SLCO1B1: variants seen among roughly 807,000 people sequenced by gnomAD.
SLCO1B1 encodes the protein solute carrier organic anion transporter family member 1B1, also known as OATP-2.
In SLCO1B1, 81 loss-of-function variants were observed where a neutral mutation model predicts 70.1. The observed-to-expected ratio is 1.16, with a 90% CI of 0.97 to 1.39. The LOEUF is 1.39. Ranked by LOEUF, SLCO1B1 falls within the 40% of genes most tolerant of loss-of-function variation. SLCO1B1 has a pLI of 0.00. For missense variants in SLCO1B1, 895 were observed against 799.6 expected, an observed-to-expected ratio of 1.12 and a Z score of -1.44; for synonymous variants, 283 against 271.5, an observed-to-expected ratio of 1.04 and a Z score of -0.42.
rs534818791 is a variant in SLCO1B1 at position 21,233,655 on chromosome 12, A to G, written c.1866-5324A>G. Among the ~76,000 whole-genome samples, 3 of 152,252 alleles carry G rather than the reference A, an allele frequency of 2.0e-5. No homozygotes were observed. The East Asian group carries it at 5.8e-4, about 29-fold the overall frequency. ...TCATGATCCCCAAAGGAGCCAAACCAACTGGGAGAAGAAAGGAGGAGTTGG... is the reference window on the plus strand; with the variant it reads ...TCATGATCCCCAAAGGAGCCAAACCGACTGGGAGAAGAAAGGAGGAGTTGG... On this transcript the variant is annotated intron_variant, in intron 14 of 14. Coordinates refer to ENST00000256958, the MANE Select transcript of SLCO1B1 (RefSeq NM_006446.5).
At chr12:21,136,469 A>T (rs1191133086) in intron 1 of SLCO1B1, among the ~76,000 whole-genome samples, 6 of 152,136 alleles carry the variant, frequency 3.9e-5, no homozygotes, top group African/African-American at 1.4e-4. Context: ...CAGGTACACC[A>T]ATCAGACGTA....
intron 2 of SLCO1B1, among the ~76,000 whole-genome samples, chr12:21,157,136 T>C (rs1467947999): frequency 6.6e-6 from 1 of 152,168 alleles, no homozygotes; most frequent in East Asian, 1.9e-4. Context: ...TGTAACTTTT[T>C]CATCTTTATA....
chr12:21,146,579 C>T (rs1484316345), intron 2 of SLCO1B1, among the ~76,000 whole-genome samples: 1 of 152,086 alleles, frequency 6.6e-6, no homozygotes, highest in Non-Finnish European at 1.5e-5. Context: ...GCATTCAGTG[C>T]AATAAATCTC....
intron 10 of SLCO1B1, among the ~76,000 whole-genome samples, chr12:21,205,301 C>T (rs977231601): frequency 1.3e-5 from 2 of 151,768 alleles, no homozygotes; most frequent in African/African-American, 4.8e-5. Context: ...AGTTTTATTT[C>T]AAAAATATAC....
chr12:21,215,253 T>C (rs1941344616), intron 11 of SLCO1B1, among the ~76,000 whole-genome samples: 1 of 152,236 alleles, frequency 6.6e-6, no homozygotes, highest in African/African-American at 2.4e-5. Context: ...CATGCTTTGC[T>C]CCTGTTCTTA....
intron 2 of SLCO1B1, among the ~76,000 whole-genome samples, chr12:21,155,157 T>C (rs1328805008): frequency 6.6e-6 from 1 of 151,958 alleles, no homozygotes; most frequent in Non-Finnish European, 1.5e-5. Flanking sequence ...ATTATTTCTT[T>C]AAATATTTCT....
Position 21,176,849 on chromosome 12 carries a change from A to C in SLCO1B1, c.433A>C (p.Asn145His). ...ATCGACCTTATCCACTTGTTTAATT[A>C]ATCAAATTTTATCACTCAATAGAGC... Reference protein sequence around the residue: ...STSTLSTCLINQILSLNRASP... With the variant: ...STSTLSTCLIHQILSLNRASP... Residue 145 changes from asparagine (N) to histidine (H), a missense_variant, in exon 5 of 15, where the codon AAT (asparagine) becomes CAT (histidine). Coordinates refer to ENST00000256958, the MANE Select transcript of SLCO1B1 (RefSeq NM_006446.5). 6.4e-7 allele frequency: 1 copy of C among 1,556,444 alleles called. No homozygotes were observed.
intron 11 of SLCO1B1, among the ~76,000 whole-genome samples, chr12:21,213,341 T>A (rs995449904): frequency 5.3e-5 from 8 of 152,046 alleles, no homozygotes; most frequent in African/African-American, 1.9e-4. Flanking sequence ...TTTGGCTGGA[T>A]ATGAAATTCT....
chr12:21,135,530 C>T (rs1940206587), intron 1 of SLCO1B1, among the ~76,000 whole-genome samples: 2 of 152,024 alleles, frequency 1.3e-5, no homozygotes, highest in African/African-American at 2.4e-5. Flanking sequence ...GTATTGGGTG[C>T]ATATATATTT....
At chr12:21,198,192 T>G (rs974937908) in intron 8 of SLCO1B1, among the ~76,000 whole-genome samples, 2 of 152,100 alleles carry the variant, frequency 1.3e-5, no homozygotes, top group African/African-American at 4.8e-5. Flanking sequence ...GCAGTGGTGT[T>G]CTGGTACTCT....
At chr12:21,227,792 T>TA (rs1322131151) in intron 14 of SLCO1B1, among the ~76,000 whole-genome samples, 1 of 149,666 alleles carries the variant, frequency 6.7e-6, no homozygotes, top group Non-Finnish European at 1.5e-5. Context: ...GGTTTGAGTA[T>TA]AAAAAGACCC....
At chr12:21,169,386 A>G (rs1055782677) in intron 2 of SLCO1B1, among the ~76,000 whole-genome samples, 3 of 152,002 alleles carry the variant, frequency 2.0e-5, no homozygotes, top group African/African-American at 7.2e-5. Flanking sequence ...GCCCTGCTGG[A>G]TGGAGTCCCA....
At chr12:21,149,796 A>T (rs1440936632) in intron 2 of SLCO1B1, among the ~76,000 whole-genome samples, 2 of 152,138 alleles carry the variant, frequency 1.3e-5, no homozygotes, top group Admixed American at 1.3e-4. Context: ...ACACTGAGAT[A>T]GCTGCAGGAT....
At chr12:21,167,943 A>G (rs920203403) in intron 2 of SLCO1B1, among the ~76,000 whole-genome samples, 5 of 149,962 alleles carry the variant, frequency 3.3e-5, no homozygotes, top group African/African-American at 9.8e-5. Flanking sequence ...CAGCCTCCCA[A>G]GTAGCTGGGA....
intron 11 of SLCO1B1, among the ~76,000 whole-genome samples, chr12:21,209,542 A>G (rs1354154655): frequency 2.0e-5 from 3 of 152,218 alleles, no homozygotes; most frequent in Admixed American, 6.5e-5. Flanking sequence ...TCTTTATAGC[A>G]GCATGATTTA....
intron 12 of SLCO1B1, among the ~76,000 whole-genome samples, chr12:21,220,288 A>G (rs1329662356): frequency 6.6e-6 from 1 of 152,294 alleles, no homozygotes; most frequent in South Asian, 2.1e-4. Context: ...ATATCTAGCA[A>G]TGTCATATAT....
At chr12:21,192,606 C>CT (rs903069591) in intron 7 of SLCO1B1, among the ~76,000 whole-genome samples, 3 of 151,192 alleles carry the variant, frequency 2.0e-5, no homozygotes, top group African/African-American at 7.3e-5. Context: ...CTTCTCTAAT[C>CT]TTTTTTTCTC....
intron 12 of SLCO1B1, among the ~76,000 whole-genome samples, chr12:21,219,560 A>G (rs569328507): frequency 1.1e-3 from 160 of 152,342 alleles, no homozygotes; most frequent in Non-Finnish European, 1.8e-3. Context: ...GATGCCTTAC[A>G]TAACTAGAAG....
chr12:21,171,532 G>A (rs1940756178), intron 2 of SLCO1B1, among the ~76,000 whole-genome samples: 2 of 152,180 alleles, frequency 1.3e-5, no homozygotes, highest in African/African-American at 4.8e-5. Context: ...TTGTTGAGAA[G>A]AGACTGTTAG....
Sources: gnomAD v4.1 joint callset for allele counts (sites outside exome capture counted in the v4.1 genomes callset) on GRCh38, gnomAD v4.1.1 for gene constraint, MANE v1.5 for transcripts, NCBI Gene and HGNC (gene_info 2026-07-23, HGNC 2026-07-21) for gene names.